The following PLBD1 variants were observed in gnomAD, a reference collection of about 807,000 sequenced individuals.
The protein encoded by PLBD1 is phospholipase B domain containing 1.
PLBD1 carries 60 observed loss-of-function variants against 63.0 expected under a neutral mutation model. The observed-to-expected ratio is 0.95, with a 90% confidence interval of 0.77 to 1.18. The LOEUF is 1.18. Ranked by LOEUF, PLBD1 falls within the 50% of genes most tolerant of loss-of-function variation. PLBD1 has a pLI of 0.00. For missense variants in PLBD1, 598 were observed against 677.9 expected (o/e 0.88, Z 1.31); for synonymous variants, 262 against 248.0 (o/e 1.06, Z -0.53).
intron 2 of PLBD1, among the ~76,000 whole-genome samples, chr12:14,545,915 C>G (rs1057201906): frequency 2.0e-5 from 3 of 151,950 alleles, no homozygotes; most frequent in African/African-American, 4.8e-5. Context: ...TGCTTTGATC[C>G]ATTCGGTTAC....
Position 14,507,118 on chromosome 12 carries a change from C to T in PLBD1, c.1187G>A (p.Gly396Glu). The T allele has an allele frequency of 1.3e-6, 2 of 1,593,418 alleles. No homozygotes were observed. The highest frequency in any genetic ancestry group is 1.7e-6 in the Non-Finnish European group (2 of 1,164,582). The change falls in exon 9 of 11, where the codon GGA becomes GAA. Residue 396 changes from glycine (G) to glutamate (E), a missense_variant and splice_region_variant. Coordinates refer to ENST00000240617, the MANE Select transcript of PLBD1 (RefSeq NM_024829.6). ...AGGAACATTGTAGGAGGGCCAATAT[C>T]CTGATTTGGAATGGAAGGGAAGTAA... ...YSEQTDVLRK[G>E]YWPSYNVPFH...
rs1565583636 is a variant in PLBD1, at chr12:14,567,620, G to GCAGCAGCAGCAACAGCT, written c.76_77insAGCTGTTGCTGCTGCTG (p.Pro26GlnfsTer10). 20 of 1,478,780 alleles carry GCAGCAGCAGCAACAGCT rather than the reference G, an allele frequency of 1.4e-5. No individual in the cohort carries two copies. Among genetic ancestry groups the GCAGCAGCAGCAACAGCT allele is most frequent in the East Asian group, 2.8e-5 (1 of 35,176 alleles). 91.6% of individuals were successfully genotyped at this position (1,478,780 alleles called of 1,614,324 possible). On this transcript the variant is annotated frameshift_variant, in exon 1 of 11. Transcript: ENST00000240617. LOFTEE classifies it high-confidence loss of function. The stretch of plus-strand genomic sequence containing the variant: ...CGGCTCCGCGGTGACTAACAACAGC[G>GCAGCAGCAGCAACAGCT]GCAGCAGCAGCAGCAGCAGCAGAAG...
chr12:14,527,333 A>T (rs1229389053), intron 6 of PLBD1, among the ~76,000 whole-genome samples: 1 of 152,146 alleles, frequency 6.6e-6, no homozygotes, highest in Non-Finnish European at 1.5e-5. Flanking sequence ...TCTCAAACAT[A>T]AAAAAACCCA....
intron 5 of PLBD1, 83 bp downstream of exon 5, chr12:14,536,487 G>A (rs777542826): frequency 1.4e-6 from 2 of 1,445,382 alleles, no homozygotes; most frequent in Non-Finnish European, 1.9e-6. Flanking sequence ...AGCCAGGGGT[G>A]ATGAGATGTT....
chr12:14,553,072 C>T (rs930058946), intron 2 of PLBD1, 121 bp downstream of exon 2: 6 of 891,390 alleles, frequency 6.7e-6, no homozygotes, highest in Non-Finnish European at 1.1e-5. Context: ...CTCTATCACA[C>T]ATGTGAACTC....
At chr12:14,516,349 A>AAAC (rs1282033495) in intron 6 of PLBD1, among the ~76,000 whole-genome samples, 1 of 152,056 alleles carries the variant, frequency 6.6e-6, no homozygotes, top group African/African-American at 2.4e-5. Context: ...AAAAACAAAC[A>AAAC]AACAACAACA....
chr12:14,538,934 G>A (rs972687906), intron 4 of PLBD1, among the ~76,000 whole-genome samples: 1 of 152,130 alleles, frequency 6.6e-6, no homozygotes, highest in African/African-American at 2.4e-5. Flanking sequence ...GCTGAGGCAC[G>A]AGAATTGCTT....
At chr12:14,520,853 C>A (rs1289557264) in intron 6 of PLBD1, among the ~76,000 whole-genome samples, 4 of 152,188 alleles carry the variant, frequency 2.6e-5, no homozygotes, top group African/African-American at 9.7e-5. Context: ...CTGCAGTTTT[C>A]ACAAGTCATG....
chr12:14,546,874 C>CT (rs1306391058), intron 2 of PLBD1, among the ~76,000 whole-genome samples: 1 of 151,730 alleles, frequency 6.6e-6, no homozygotes, highest in Non-Finnish European at 1.5e-5. Context: ...CTTCTGGTTT[C>CT]TTTTTTTTCT....
intron 1 of PLBD1, among the ~76,000 whole-genome samples, chr12:14,566,764 G>A (rs1257758290): frequency 6.7e-6 from 1 of 150,144 alleles, no homozygotes; most frequent in African/African-American, 2.5e-5. Context: ...CTGCAGAATG[G>A]GGAATATAAT....
In PLBD1 at chr12:14,535,703, T is replaced by C. The variant is rs1565576431; in HGVS notation, c.800A>G (p.Asp267Gly). ...IYKHWDFNVI[D>G]KDTSSSRLSF... ...GAGGCGACTACTGCTGGTATCTTTA[T>C]CTATGACGTTGAAGTCCCAGTGTTT... is the stretch of plus-strand genomic sequence containing the variant. Residue 267 changes from aspartate to glycine, a missense_variant, in exon 6 of 11, where the codon GAT becomes GGT. Transcript: ENST00000240617. The C allele has an allele frequency of 1.9e-6, 3 of 1,614,026 alleles. No individual in the cohort carries two copies. Among genetic ancestry groups the C allele is most frequent in the Admixed American group, 1.7e-5 (1 of 60,012 alleles).
At chr12:14,533,473 G>T (rs1945484056) in intron 6 of PLBD1, among the ~76,000 whole-genome samples, 1 of 152,162 alleles carries the variant, frequency 6.6e-6, no homozygotes, top group African/African-American at 2.4e-5. Flanking sequence ...ATGTTAACAG[G>T]ATTATACGTT....
intron 9 of PLBD1, among the ~76,000 whole-genome samples, chr12:14,506,499 G>A (rs1465810346): frequency 1.3e-5 from 2 of 152,188 alleles, no homozygotes; most frequent in African/African-American, 4.8e-5. Context: ...AGTGAAAAAT[G>A]GATGGGAAAG....
chr12:14,532,641 C>T (rs982738354), intron 6 of PLBD1, among the ~76,000 whole-genome samples: 4 of 152,174 alleles, frequency 2.6e-5, no homozygotes, highest in Non-Finnish European at 5.9e-5. Flanking sequence ...CTCCTTAGGG[C>T]ATCTTGTTGA....
rs756557168 is a variant in PLBD1 at position 14,511,604 on chromosome 12, C to T, written c.952G>A (p.Glu318Lys). Residue 318 changes from glutamate to lysine, a missense_variant, in exon 7 of 11, where the codon GAG becomes AAG. Glu to Lys is a moderately conservative substitution (Grantham distance 56). Coordinates refer to ENST00000240617, the MANE Select transcript of PLBD1 (RefSeq NM_024829.6). ...NKTLLKQVIPETLLSWQRVRV... is the reference protein window; with the variant it reads ...NKTLLKQVIPKTLLSWQRVRV... ...ACTCTTTGCCAGGACAGGAGAGTCT[C>T]GGGTATTACCTGCTTTAGCAGGGTT... is the stretch of plus-strand genomic sequence containing the variant. 12 of 1,614,046 alleles carry T rather than the reference C, an allele frequency of 7.4e-6. No homozygotes were observed. The highest frequency in any genetic ancestry group is 1.1e-5 in the South Asian group (1 of 91,078).
intron 2 of PLBD1, among the ~76,000 whole-genome samples, chr12:14,549,913 C>T (rs1333506356): frequency 6.6e-6 from 1 of 152,178 alleles, no homozygotes; most frequent in African/African-American, 2.4e-5. Context: ...GGTGATCCTC[C>T]CACCTCGGCC....
intron 6 of PLBD1, among the ~76,000 whole-genome samples, chr12:14,517,392 C>G (rs971072339): frequency 6.6e-6 from 1 of 152,168 alleles, no homozygotes; most frequent in African/African-American, 2.4e-5. Context: ...AAGCGCTCCT[C>G]CTGCCTTGGC....
chr12:14,534,008 C>T (rs73060672), intron 6 of PLBD1, among the ~76,000 whole-genome samples: 23,336 of 151,974 alleles, frequency 0.15, 1,919 homozygotes, highest in Non-Finnish European at 0.19. Context: ...ATTAGTCAGG[C>T]ATGGTGATGT....
chr12:14,534,787 C>A (rs976403732), intron 6 of PLBD1, among the ~76,000 whole-genome samples: 1 of 152,178 alleles, frequency 6.6e-6, no homozygotes, highest in African/African-American at 2.4e-5. Flanking sequence ...CGTGATCCGC[C>A]CACCTTGGCC....
Sources: allele counts gnomAD v4.1 joint callset (sites outside exome capture counted in the v4.1 genomes callset), GRCh38; gene constraint gnomAD v4.1.1; transcripts MANE v1.5; gene names NCBI Gene and HGNC (gene_info 2026-07-23, HGNC 2026-07-21).